The following PLXDC2 variants were observed in gnomAD, a reference collection of about 807,000 sequenced individuals.
PLXDC2 encodes the protein plexin domain-containing protein 2.
PLXDC2 carries 40 observed loss-of-function variants against 68.9 expected under a neutral mutation model. The observed-to-expected ratio is 0.58, with a 90% confidence interval of 0.45 to 0.76. PLXDC2 has a LOEUF of 0.76. PLXDC2 is among the 30% of genes least tolerant of loss of function. PLXDC2 has a pLI of 0.00. For missense variants in PLXDC2, 644 were observed against 661.9 expected (o/e 0.97, Z 0.30); for synonymous variants, 243 against 234.2 (o/e 1.04, Z -0.34).
chr10:20,255,877 T>G (rs947181735), intron 13 of PLXDC2, among the ~76,000 whole-genome samples: 2 of 152,112 alleles, frequency 1.3e-5, no homozygotes, highest in Admixed American at 1.3e-4. Context: ...TATATGATCT[T>G]GTGGTAATCC....
At position 20,219,045 on chromosome 10, in the gene PLXDC2, C is replaced by G. The variant is rs1835176907; in HGVS notation, c.1274-19C>G. On this transcript the variant is annotated intron_variant, in intron 11 of 13. Transcript: ENST00000377252. ...AATCAATCCTTTTCTGTTATAGTAACTTTGAATTTCTCTTCCAGATGATAC... is the reference window on the plus strand; with the variant it reads ...AATCAATCCTTTTCTGTTATAGTAAGTTTGAATTTCTCTTCCAGATGATAC... 1.2e-6 allele frequency: 2 copies of G among 1,606,192 alleles called. No individual in the cohort carries two copies. Among genetic ancestry groups the G allele is most frequent in the African/African-American group, 2.7e-5 (2 of 74,566 alleles).
At chr10:20,034,438 C>T (rs924147863) in intron 2 of PLXDC2, among the ~76,000 whole-genome samples, 4 of 152,144 alleles carry the variant, frequency 2.6e-5, no homozygotes, top group Non-Finnish European at 5.9e-5. Flanking sequence ...TCTTTCTATG[C>T]TTGTTCTGTT....
At chr10:20,072,054 G>A (rs892001002) in intron 4 of PLXDC2, among the ~76,000 whole-genome samples, 3 of 152,000 alleles carry the variant, frequency 2.0e-5, no homozygotes, top group African/African-American at 7.2e-5. Context: ...TACTTTGAAC[G>A]TTAGAAATCT....
intron 4 of PLXDC2, among the ~76,000 whole-genome samples, chr10:20,134,614 G>A (rs987847473): frequency 5.3e-5 from 8 of 152,152 alleles, no homozygotes; most frequent in African/African-American, 1.9e-4. Context: ...GGGTCAATGA[G>A]TTTGGGCCTA....
At chr10:20,093,737 G>A (rs11011795) in intron 4 of PLXDC2, among the ~76,000 whole-genome samples, 67,994 of 151,948 alleles carry the variant, frequency 0.45, 15,405 homozygotes, top group South Asian at 0.68. Flanking sequence ...GTAGTGGCGC[G>A]GTCTCAGCTC....
At chr10:20,234,626 G>T (rs1327505985) in intron 12 of PLXDC2, among the ~76,000 whole-genome samples, 1 of 149,210 alleles carries the variant, frequency 6.7e-6, no homozygotes, top group African/African-American at 2.5e-5. Flanking sequence ...AAGCTCTACC[G>T]AGCTGTTGTT....
At chr10:20,260,042 A>G (rs1297745774) in intron 13 of PLXDC2, among the ~76,000 whole-genome samples, 1 of 152,226 alleles carries the variant, frequency 6.6e-6, no homozygotes, top group Non-Finnish European at 1.5e-5. Context: ...TACTTAGCAG[A>G]TACTCTATAT....
In PLXDC2 at chr10:20,044,191, T is replaced by C. The variant is rs534834949; in HGVS notation, c.325-2678T>C. Among the ~76,000 whole-genome samples, 79 of 127,484 alleles carry C rather than the reference T, an allele frequency of 6.2e-4. 2 individuals are homozygous for C. Among genetic ancestry groups the C allele is most frequent in the African/African-American group, 2.0e-3 (61 of 30,202 alleles). 83.6% of individuals were successfully genotyped at this position (127,484 alleles called of 152,430 possible). On this transcript the variant is annotated intron_variant, in intron 2 of 13. Transcript: ENST00000377252. Reference sequence around the variant, plus strand: ...TTTCTTTCTTTCCTTCTTTCTTTCTTTCTCTCTCTCTCTCTCTCTGTCTTT... The same window carrying C: ...TTTCTTTCTTTCCTTCTTTCTTTCTCTCTCTCTCTCTCTCTCTCTGTCTTT...
In PLXDC2 at chr10:19,907,888, C is replaced by T. The variant is rs116797999; in HGVS notation, c.112+90697C>T. On this transcript the variant is annotated intron_variant, in intron 1 of 13. Coordinates refer to ENST00000377252, the MANE Select transcript of PLXDC2 (RefSeq NM_032812.9). ...CACCTCTCATCTTCAGAAAGTCTGT[C>T]GGCAAAACAGACCCAGAATCTGACC... Among the ~76,000 whole-genome samples the T allele has an allele frequency of 5.9e-3, 891 of 152,192 alleles. 7 individuals carry two copies. The highest frequency in any genetic ancestry group is 0.021 in the African/African-American group (859 of 41,522).
At chr10:20,245,971 G>A (rs563163469) in intron 13 of PLXDC2, among the ~76,000 whole-genome samples, 2 of 152,182 alleles carry the variant, frequency 1.3e-5, no homozygotes, top group East Asian at 3.9e-4. Flanking sequence ...GAAAAAATAT[G>A]GTTTTCACCA....
chr10:19,962,985 G>T (rs1834185682), intron 1 of PLXDC2, among the ~76,000 whole-genome samples: 1 of 87,786 alleles, frequency 1.1e-5, no homozygotes, highest in South Asian at 5.3e-4. Flanking sequence ...GCGAGACTAC[G>T]TCTCAAAAAA....
rs557841462 is a variant in PLXDC2, at chr10:20,165,371, A to G, written c.883+804A>G. Among the ~76,000 whole-genome samples the G allele has an allele frequency of 3.3e-5, 5 of 152,030 alleles. No individual in the cohort carries two copies. In the East Asian group the frequency reaches 9.7e-4, roughly 29 times the overall value. ...ATACATGGTGCCACGCTGGTGCGCT[A>G]CACCCACTAACTCGTCATCTAGCAT... On this transcript the variant is annotated intron_variant, in intron 7 of 13. Transcript: ENST00000377252.
At chr10:20,055,098 C>T (rs1835973532) in intron 3 of PLXDC2, among the ~76,000 whole-genome samples, 1 of 152,112 alleles carries the variant, frequency 6.6e-6, no homozygotes, top group African/African-American at 2.4e-5. Flanking sequence ...CTCTGTCTAT[C>T]TCACTCTATA....
Position 20,094,795 on chromosome 10 carries a change from T to C in PLXDC2, c.541+26556T>C, listed in dbSNP as rs566164698. The stretch of plus-strand genomic sequence containing the variant: ...AGTCATCAAATATTGAGATCATTCA[T>C]GTGGAAGACTTTTTCCTCTGGGACT... On this transcript the variant is annotated intron_variant, in intron 4 of 13. Coordinates refer to ENST00000377252, the MANE Select transcript of PLXDC2 (RefSeq NM_032812.9). 5.2e-4 allele frequency among the ~76,000 whole-genome samples: 79 copies of C among 152,316 alleles called. No homozygotes were observed. In the South Asian group the frequency reaches 0.016, roughly 30 times the overall value.
At chr10:20,213,940 C>A (rs981560030) in intron 10 of PLXDC2, among the ~76,000 whole-genome samples, 3 of 152,064 alleles carry the variant, frequency 2.0e-5, no homozygotes, top group African/African-American at 7.2e-5. Context: ...TATGTAATCT[C>A]TTTCCTTATT....
chr10:19,839,729 A>C (rs907252498), intron 1 of PLXDC2, among the ~76,000 whole-genome samples: 2 of 151,982 alleles, frequency 1.3e-5, no homozygotes, highest in African/African-American at 4.8e-5. Flanking sequence ...TTTTTTGTTA[A>C]ACAGATACTA....
chr10:20,046,989 T>C lies in PLXDC2; in HGVS notation c.445T>C (p.Leu149=), dbSNP rs141483781. The change falls in exon 3 of 14, where the codon TTG becomes CTG. Residue 149 remains leucine (L), a synonymous_variant. Coordinates refer to ENST00000377252, the MANE Select transcript of PLXDC2 (RefSeq NM_032812.9). ...EKDKVKIHGI[L]SNTHRQAARV... Reference sequence around the variant, plus strand: ...AGATAAAGTGAAGATTCATGGAATATTGTCCAATACTCATCGGCAAGCTGC... The same window carrying C: ...AGATAAAGTGAAGATTCATGGAATACTGTCCAATACTCATCGGCAAGCTGC... 782 of 1,611,658 alleles carry C rather than the reference T, an allele frequency of 4.9e-4. 1 individual carries two copies. The highest frequency in any genetic ancestry group is 6.1e-4 in the Non-Finnish European group (716 of 1,178,972).
intron 1 of PLXDC2, among the ~76,000 whole-genome samples, chr10:19,976,316 T>A (rs969575993): frequency 2.6e-5 from 4 of 152,076 alleles, no homozygotes; most frequent in African/African-American, 9.7e-5. Context: ...GAGGTTCAAG[T>A]GATTCTCATG....
chr10:20,215,427 G>A (rs779214594), intron 10 of PLXDC2, among the ~76,000 whole-genome samples: 1 of 152,022 alleles, frequency 6.6e-6, no homozygotes, highest in Non-Finnish European at 1.5e-5. Context: ...ATGAATGGAG[G>A]GAAAGCAGTA....
Sources: allele counts gnomAD v4.1 joint callset (sites outside exome capture counted in the v4.1 genomes callset), GRCh38; gene constraint gnomAD v4.1.1; transcripts MANE v1.5; gene names NCBI Gene and HGNC (gene_info 2026-07-23, HGNC 2026-07-21).